The following HIVEP3 variants were observed in gnomAD, a reference collection of about 807,000 sequenced individuals.
HIVEP3 encodes HIVEP zinc finger 3, also known as transcription factor HIVEP3.
HIVEP3 carries 49 observed loss-of-function variants against 152.8 expected under a neutral mutation model. That is an observed-to-expected ratio of 0.32 (90% CI 0.26 to 0.41). The LOEUF (loss-of-function observed/expected upper bound fraction) is 0.41, where lower values mean the gene tolerates loss of function less well. Ranked by LOEUF, HIVEP3 falls within the 10% of genes least tolerant of loss-of-function variation. The pLI, the probability that HIVEP3 is intolerant of heterozygous loss-of-function variation, is 1.00. For missense variants in HIVEP3, 2,790 were observed against 3,103.3 expected (o/e 0.90, Z 2.40); for synonymous variants, 1,269 against 1,289.0 (o/e 0.98, Z 0.33).
intron 2 of HIVEP3, among the ~76,000 whole-genome samples, chr1:41,670,458 C>A (rs1453165331): frequency 6.6e-6 from 1 of 152,186 alleles, no homozygotes; most frequent in Non-Finnish European, 1.5e-5. Flanking sequence ...ACATGTTCAG[C>A]CACTATTGGC....
chr1:41,604,007 T>C (rs1469229094), intron 3 of HIVEP3, among the ~76,000 whole-genome samples: 3 of 152,244 alleles, frequency 2.0e-5, no homozygotes, highest in Non-Finnish European at 4.4e-5. Context: ...CCATAACAGC[T>C]AACATGAAGC....
chr1:41,777,810 C>G (rs1481106059), intron 1 of HIVEP3, among the ~76,000 whole-genome samples: 2 of 152,230 alleles, frequency 1.3e-5, no homozygotes, highest in African/African-American at 2.4e-5. Flanking sequence ...TTAATCCGCA[C>G]AGTAGTCCAC....
rs533471978 is a variant in HIVEP3 at position 41,639,249 on chromosome 1, G to C, written c.-720-10302C>G. 5.3e-5 allele frequency among the ~76,000 whole-genome samples: 8 copies of C among 152,356 alleles called. No individual in the cohort carries two copies. The East Asian group carries it at 1.5e-3, about 29-fold the overall frequency. On this transcript the variant is annotated intron_variant, in intron 2 of 8. Transcript: ENST00000372583. ...ATATGGAATAATCCTGGTGGTTCAT[G>C]CTGGGATACTGGCAAAGGGGTGGAT...
At chr1:41,962,080 G>C (rs911614707) in intron 1 of HIVEP3, among the ~76,000 whole-genome samples, 4 of 152,198 alleles carry the variant, frequency 2.6e-5, no homozygotes, top group African/African-American at 9.7e-5. Flanking sequence ...AAATTGGAGG[G>C]GTACTGATGC....
At chr1:41,541,812 T>C (rs1484973359) in intron 5 of HIVEP3, among the ~76,000 whole-genome samples, 1 of 152,252 alleles carries the variant, frequency 6.6e-6, no homozygotes, top group Non-Finnish European at 1.5e-5. Context: ...GTCCTATTTC[T>C]TGACCTGTGG....
At chr1:41,793,817 G>A (rs777357054) in intron 1 of HIVEP3, among the ~76,000 whole-genome samples, 8 of 152,164 alleles carry the variant, frequency 5.3e-5, no homozygotes, top group Non-Finnish European at 8.8e-5. Flanking sequence ...TTTGAAAAAC[G>A]TAGAAATGCA....
At chr1:41,674,851 GC>G (rs1370229608) in intron 2 of HIVEP3, among the ~76,000 whole-genome samples, 1 of 152,174 alleles carries the variant, frequency 6.6e-6, no homozygotes, top group Admixed American at 6.5e-5. Flanking sequence ...AATGCACAAA[GC>G]CCTGAGAGGG....
intron 5 of HIVEP3, among the ~76,000 whole-genome samples, chr1:41,538,766 T>C (rs532217198): frequency 2.4e-5 from 3 of 123,846 alleles, no homozygotes; most frequent in African/African-American, 9.5e-5. Context: ...TCTGACCAGA[T>C]AGTGGGGTTA....
intron 2 of HIVEP3, among the ~76,000 whole-genome samples, chr1:41,650,974 A>G (rs1339035318): frequency 6.6e-6 from 1 of 152,202 alleles, no homozygotes; most frequent in African/African-American, 2.4e-5. Flanking sequence ...CAATGCTACA[A>G]GGGAGTACCT....
At chr1:41,677,785 C>T (rs955810171) in intron 2 of HIVEP3, among the ~76,000 whole-genome samples, 1 of 152,226 alleles carries the variant, frequency 6.6e-6, no homozygotes, top group Non-Finnish European at 1.5e-5. Flanking sequence ...GCACATCGGG[C>T]GGTCAGGTGA....
chr1:41,628,885 G>T lies in HIVEP3; in HGVS notation c.-658C>A. On this transcript the variant is annotated 5_prime_UTR_variant, in exon 3 of 9. Coordinates refer to ENST00000372583, the MANE Select transcript of HIVEP3 (RefSeq NM_024503.5). ...CCCACCAGAGGGGCGGGCTTGCTTG[G>T]CCAGGACCCCGCGAGGCTCCTCCAT... 2 of 1,231,938 alleles carry T rather than the reference G, an allele frequency of 1.6e-6. No individual in the cohort carries two copies. Among genetic ancestry groups the T allele is most frequent in the Non-Finnish European group, 2.0e-6 (2 of 987,908 alleles). 76.3% of individuals were successfully genotyped at this position (1,231,938 alleles called of 1,614,324 possible).
At chr1:41,639,058 A>AC (rs1645331627) in intron 2 of HIVEP3, among the ~76,000 whole-genome samples, 2 of 152,182 alleles carry the variant, frequency 1.3e-5, no homozygotes, top group Non-Finnish European at 2.9e-5. Context: ...TCCACTCTGA[A>AC]CGGAACGTCT....
intron 1 of HIVEP3, among the ~76,000 whole-genome samples, chr1:41,858,286 A>C (rs970647030): frequency 6.6e-6 from 1 of 152,150 alleles, no homozygotes; most frequent in Non-Finnish European, 1.5e-5. Context: ...GGTGATCCCC[A>C]AAGCTTTTTG....
At chr1:41,556,842 C>G (rs1182012810) in intron 5 of HIVEP3, among the ~76,000 whole-genome samples, 1 of 152,208 alleles carries the variant, frequency 6.6e-6, no homozygotes, top group African/African-American at 2.4e-5. Flanking sequence ...CCAACTTCAC[C>G]TTTTGCATGT....
At chr1:41,728,427 GTGCTGGGCAGGGGA>G (rs1354811740) in intron 1 of HIVEP3, among the ~76,000 whole-genome samples, 1 of 152,096 alleles carries the variant, frequency 6.6e-6, no homozygotes, top group Non-Finnish European at 1.5e-5. Context: ...GGGGCACTCA[GTGCTGGGCAGGGGA>G]TGCGGGGCTG....
chr1:41,652,972 AG>A (rs1645574270), intron 2 of HIVEP3, among the ~76,000 whole-genome samples: 1 of 152,174 alleles, frequency 6.6e-6, no homozygotes. Context: ...CACCGCACGT[AG>A]GGAAGGGAAA....
intron 7 of HIVEP3, among the ~76,000 whole-genome samples, chr1:41,516,450 C>A (rs190707821): frequency 1.3e-5 from 2 of 152,342 alleles, no homozygotes; most frequent in Admixed American, 1.3e-4. Context: ...GGGCCGTAAT[C>A]CTTGGAGTCC....
chr1:41,707,004 A>T (rs1054128590), intron 1 of HIVEP3, among the ~76,000 whole-genome samples: 3 of 152,236 alleles, frequency 2.0e-5, no homozygotes, highest in African/African-American at 4.8e-5. Flanking sequence ...CTAGCTGACC[A>T]GTGAGTTTTA....
In HIVEP3 at chr1:41,757,217, G is replaced by A. The variant is rs938870797; in HGVS notation, c.-800-56222C>T. On this transcript the variant is annotated intron_variant, in intron 1 of 8. Coordinates refer to ENST00000372583, the MANE Select transcript of HIVEP3 (RefSeq NM_024503.5). ...TGCAAGCTCTGCCTCCCAGGTTCAC[G>A]CCATTCTCCTGCCTCAGCCTCCCGA... Among the ~76,000 whole-genome samples, 10 of 151,522 alleles carry A rather than the reference G, an allele frequency of 6.6e-5. No homozygotes were observed. In the East Asian group the frequency reaches 1.6e-3, roughly 24 times the overall value.
Sources: gnomAD v4.1 joint callset for allele counts (sites outside exome capture counted in the v4.1 genomes callset) on GRCh38, gnomAD v4.1.1 for gene constraint, MANE v1.5 for transcripts, NCBI Gene and HGNC (gene_info 2026-07-23, HGNC 2026-07-21) for gene names.